The following CHST3 variants were observed in gnomAD, a reference collection of about 807,000 sequenced individuals.
CHST3 encodes carbohydrate sulfotransferase 3.
CHST3 carries 20 observed loss-of-function variants against 35.4 expected under a neutral mutation model. That is an observed-to-expected ratio of 0.57 (90% CI 0.40 to 0.82). The LOEUF is 0.82. Ranked by LOEUF, CHST3 falls within the 40% of genes least tolerant of loss-of-function variation. The pLI, the probability that CHST3 is intolerant of heterozygous loss-of-function variation, is 0.00. For missense variants in CHST3, 693 were observed against 670.1 expected, an observed-to-expected ratio of 1.03 and a Z score of -0.38; for synonymous variants, 334 against 295.9, an observed-to-expected ratio of 1.13 and a Z score of -1.32.
At chr10:72,005,697 G>C in intron 1 of CHST3, 39 bp from the exon 2 acceptor site, 1 of 966,240 alleles carries the variant, frequency 1.0e-6, no homozygotes, top group Non-Finnish European at 1.6e-6. Context: ...CATTCCTCGT[G>C]TACAGACAAG....
chr10:72,001,017 G>A (rs1839987950), intron 1 of CHST3, among the ~76,000 whole-genome samples: 1 of 152,120 alleles, frequency 6.6e-6, no homozygotes, highest in Admixed American at 6.5e-5. Context: ...GGGGTGCGGG[G>A]CAGAAGCCAG....
intron 1 of CHST3, among the ~76,000 whole-genome samples, chr10:71,967,986 T>TTTTTTTTTTTTTTTTA (rs1839648500): frequency 6.6e-6 from 1 of 150,734 alleles, no homozygotes; most frequent in Non-Finnish European, 1.5e-5. Flanking sequence ...TTTTTTTTTT[T>TTTTTTTTTTTTTTTTA]TTTTGTATTT....
intron 1 of CHST3, among the ~76,000 whole-genome samples, chr10:71,994,683 C>T (rs1262395360): frequency 1.3e-5 from 2 of 152,216 alleles, no homozygotes; most frequent in African/African-American, 4.8e-5. Context: ...CAAGCATTGA[C>T]TTCTCCTCTC....
chr10:71,964,575 G>A lies in CHST3; in HGVS notation c.-227G>A, dbSNP rs890613743. ...CAGCTCGGGCCGCGCGGGCGCCGGG[G>A]CCGCGGAACCGCTTCTGCCGGGATC... On this transcript the variant is annotated 5_prime_UTR_variant, in exon 1 of 3. Transcript: ENST00000373115. 2.0e-4 allele frequency: 30 copies of A among 152,174 alleles called. No individual in the cohort carries two copies. Among genetic ancestry groups the A allele is most frequent in the African/African-American group, 5.1e-4 (21 of 41,568 alleles). The allele number at this position is 152,174 out of a possible 1,614,324, so 9.4% of individuals were successfully genotyped here. A position where few individuals can be genotyped will look rare whatever the true frequency, so the allele number is the denominator to read the frequency against.
chr10:72,006,134 C>T (rs1840036898), intron 2 of CHST3, 152 bp downstream of exon 2: 3 of 979,956 alleles, frequency 3.1e-6, no homozygotes, highest in Non-Finnish European at 4.7e-6. Flanking sequence ...GTGGCTCCTG[C>T]ACACGTCCTC....
At position 72,012,073 on chromosome 10, in the gene CHST3, T is replaced by C. The variant is rs1477901164; in HGVS notation, c.*3602T>C. On this transcript the variant is annotated 3_prime_UTR_variant, in exon 3 of 3. Transcript: ENST00000373115. ...TGAAAATAAACAGAAAAGAGATGTT[T>C]AATAACAAGTTTACTTCCGGTCTGC... 2 of 152,238 alleles carry C rather than the reference T, an allele frequency of 1.3e-5. No individual in the cohort carries two copies. The allele number at this position is 152,238 out of a possible 1,614,324, so 9.4% of individuals were successfully genotyped here.
At chr10:71,984,298 C>T (rs953662213) in intron 1 of CHST3, among the ~76,000 whole-genome samples, 2 of 152,266 alleles carry the variant, frequency 1.3e-5, no homozygotes, top group African/African-American at 4.8e-5. Flanking sequence ...GCTGAGATTA[C>T]AGGCGTGAGC....
intron 1 of CHST3, among the ~76,000 whole-genome samples, chr10:71,974,321 C>A (rs1022488397): frequency 2.0e-4 from 30 of 152,180 alleles, no homozygotes; most frequent in Non-Finnish European, 4.0e-4. Context: ...AGCAATGTCT[C>A]CATTTCACAG....
At chr10:71,966,601 C>A (rs1458663245) in intron 1 of CHST3, among the ~76,000 whole-genome samples, 3 of 152,182 alleles carry the variant, frequency 2.0e-5, no homozygotes, top group Admixed American at 6.5e-5. Flanking sequence ...CAAGGACTGG[C>A]CTCAGATGAA....
Position 72,007,453 on chromosome 10 carries a change from C to T in CHST3, c.422C>T (p.Thr141Met), listed in dbSNP as rs267606735. The T allele has an allele frequency of 2.5e-6, 4 of 1,603,236 alleles. No homozygotes were observed. Among genetic ancestry groups the T allele is most frequent in the Non-Finnish European group, 3.4e-6 (4 of 1,179,652 alleles). The change falls in exon 3 of 3, where the codon ACG (threonine) becomes ATG (methionine). Residue 141 changes from threonine to methionine, a missense_variant. Thr to Met is a moderately conservative substitution (Grantham distance 81, BLOSUM62 -1). Transcript: ENST00000373115. Reference sequence around the variant, plus strand: ...CGCCACGTGCTGCTCATGGCCACCACGCGCACCGGCTCCTCGTTCGTGGGC... The same window carrying T: ...CGCCACGTGCTGCTCATGGCCACCATGCGCACCGGCTCCTCGTTCGTGGGC... Reference protein sequence around the residue: ...PRRHVLLMATTRTGSSFVGEF... With the variant: ...PRRHVLLMATMRTGSSFVGEF...
chr10:71,982,867 G>A (rs1490881767), intron 1 of CHST3, among the ~76,000 whole-genome samples: 2 of 152,232 alleles, frequency 1.3e-5, no homozygotes, highest in South Asian at 2.1e-4. Flanking sequence ...GATGAAGTAC[G>A]GGGGCCAGGC....
intron 1 of CHST3, among the ~76,000 whole-genome samples, chr10:71,976,169 G>C (rs992484851): frequency 1.4e-4 from 22 of 152,176 alleles, no homozygotes; most frequent in Non-Finnish European, 2.6e-4. Flanking sequence ...AAAGCTCTTG[G>C]AGCACTTTTG....
In CHST3 at chr10:71,994,267, C is replaced by CA. The variant is rs55736523; in HGVS notation, c.-107-11455dup. On this transcript the variant is annotated intron_variant, in intron 1 of 2. Transcript: ENST00000373115. ...GTGACAGAGTAAGAAAACCCTGTCT[C>CA]AAAAAAAAAAAAAATTAATTAATTA... is the stretch of plus-strand genomic sequence containing the variant. 2.9e-3 allele frequency among the ~76,000 whole-genome samples: 375 copies of CA among 128,772 alleles called. 2 individuals carry two copies. The highest frequency in any genetic ancestry group is 4.0e-3 in the Admixed American group (52 of 12,926). 84.5% of individuals were successfully genotyped at this position (128,772 alleles called of 152,430 possible). A position where few individuals can be genotyped will look rare whatever the true frequency, so the allele number is the denominator to read the frequency against.
chr10:72,009,897 T>C lies in CHST3; in HGVS notation c.*1426T>C, dbSNP rs76062174. On this transcript the variant is annotated 3_prime_UTR_variant, in exon 3 of 3. Coordinates refer to ENST00000373115, the MANE Select transcript of CHST3 (RefSeq NM_004273.5). ...TTCCAAGCAGTGGAGGCCTGAGGGC[T>C]TGAGGGAGGCTGGGGAAAACCAGCA... 0.016 allele frequency: 2,508 copies of C among 152,834 alleles called. 30 individuals carry two copies. Among genetic ancestry groups the C allele is most frequent in the African/African-American group, 0.045 (1,856 of 41,536 alleles). 9.5% of individuals were successfully genotyped at this position (152,834 alleles called of 1,614,324 possible).
At chr10:71,975,100 A>G (rs1839732713) in intron 1 of CHST3, among the ~76,000 whole-genome samples, 1 of 152,206 alleles carries the variant, frequency 6.6e-6, no homozygotes, top group Non-Finnish European at 1.5e-5. Context: ...TGGTAGAGCT[A>G]TGTGACCAGC....
chr10:71,989,829 T>C (rs1839881062), intron 1 of CHST3, among the ~76,000 whole-genome samples: 1 of 152,240 alleles, frequency 6.6e-6, no homozygotes, highest in South Asian at 2.1e-4. Flanking sequence ...TGTAGGCAGT[T>C]GGTAGCATGC....
chr10:71,993,288 A>G (rs537939522), intron 1 of CHST3, among the ~76,000 whole-genome samples: 18 of 152,366 alleles, frequency 1.2e-4, no homozygotes, highest in African/African-American at 4.3e-4. Context: ...CATACATAAG[A>G]AGCAACTCAT....
rs4148946 is a variant in CHST3 at position 72,010,315 on chromosome 10, C to T, written c.*1844C>T. 0.63 allele frequency: 95,532 copies of T among 152,114 alleles called. 30,683 individuals carry two copies. Among genetic ancestry groups the T allele is most frequent in the African/African-American group, 0.77 (31,985 of 41,512 alleles). 9.4% of individuals were successfully genotyped at this position (152,114 alleles called of 1,614,324 possible). ...GTTTGCCGAGGGCTGCCCAGCTCTG[C>T]TTCTGGTTTCCTGGACAATTTCTCT... On this transcript the variant is annotated 3_prime_UTR_variant, in exon 3 of 3. Transcript: ENST00000373115.
chr10:72,008,077 G>C lies in CHST3; in HGVS notation c.1046G>C (p.Arg349Pro). Residue 349 changes from arginine to proline, a missense_variant, in exon 3 of 3, where the codon CGC becomes CCC. Physicochemically the swap from Arg to Pro is moderately radical, Grantham distance 103 (BLOSUM62 -2). Transcript: ENST00000373115. ...QRLRGNCESIRLSAELGLRQP... is the reference protein window; with the variant it reads ...QRLRGNCESIPLSAELGLRQP... ...CTGCGGGGCAACTGCGAGAGCATCC[G>C]CCTGTCCGCGGAGCTGGGGCTGCGG... 6.5e-7 allele frequency: 1 copy of C among 1,545,902 alleles called. No individual in the cohort carries two copies. Among genetic ancestry groups the C allele is most frequent in the Non-Finnish European group, 8.7e-7 (1 of 1,144,206 alleles).
Sources: allele counts gnomAD v4.1 joint callset (sites outside exome capture counted in the v4.1 genomes callset), GRCh38; gene constraint gnomAD v4.1.1; transcripts MANE v1.5; gene names NCBI Gene and HGNC (gene_info 2026-07-23, HGNC 2026-07-21).